Variants in CDH13 observed in about 807,000 individuals in gnomAD.
The protein encoded by CDH13 is cadherin-13.
Under a neutral mutation model 63.8 loss-of-function variants are expected in CDH13, and 24 were observed. That is an observed-to-expected ratio of 0.38 (90% confidence interval 0.27 to 0.53). CDH13 has a LOEUF of 0.53. Among genes scored for constraint, CDH13 ranks in the 20% least tolerant of loss-of-function variants. CDH13 has a pLI of 0.85. For synonymous variants in CDH13, 503 were observed against 355.3 expected (o/e 1.42, Z -4.67); for missense variants, 1,049 against 903.1 (o/e 1.16, Z -2.07).
intron 4 of CDH13, among the ~76,000 whole-genome samples, chr16:83,134,544 GGAGAGAGAGAGAGAGAGAGAGA>G (rs67135267): frequency 1.8e-4 from 15 of 84,364 alleles, no homozygotes; most frequent in East Asian, 8.3e-4. Flanking sequence ...TGGGGTGGGG[GGAGAGAGAGAGAGAGAGAGAGA>G]GAGAGAGAGA....
chr16:83,225,069 G>A (rs1000836922), intron 5 of CDH13, among the ~76,000 whole-genome samples: 1 of 152,114 alleles, frequency 6.6e-6, no homozygotes, highest in Non-Finnish European at 1.5e-5. Context: ...TAAATTGTTA[G>A]GTGCTTTCCC....
intron 7 of CDH13, among the ~76,000 whole-genome samples, chr16:83,573,043 C>G (rs1036869889): frequency 2.0e-5 from 3 of 152,112 alleles, no homozygotes; most frequent in Non-Finnish European, 4.4e-5. Flanking sequence ...TTTTCATCCA[C>G]AGAATATAGT....
intron 6 of CDH13, among the ~76,000 whole-genome samples, chr16:83,379,179 C>G (rs1346894636): frequency 6.6e-6 from 1 of 152,172 alleles, no homozygotes; most frequent in Non-Finnish European, 1.5e-5. Flanking sequence ...TTCAAAATCT[C>G]ATAAGCATGC....
intron 13 of CDH13, among the ~76,000 whole-genome samples, chr16:83,794,449 A>T (rs888871393): frequency 6.6e-6 from 1 of 152,142 alleles, no homozygotes; most frequent in South Asian, 2.1e-4. Context: ...GCTCCTCCGG[A>T]GACTAAGGTG....
intron 1 of CDH13, among the ~76,000 whole-genome samples, chr16:82,756,874 A>C (rs897520435): frequency 6.6e-6 from 1 of 152,064 alleles, no homozygotes; most frequent in African/African-American, 2.4e-5. Context: ...AGCACTTTCC[A>C]CTAGTTTATA....
intron 7 of CDH13, among the ~76,000 whole-genome samples, chr16:83,518,123 A>G (rs2074741701): frequency 6.9e-6 from 1 of 143,984 alleles, no homozygotes; most frequent in Non-Finnish European, 1.5e-5. Context: ...ATAATGAGTG[A>G]GATATCATGA....
intron 13 of CDH13, 123 bp from the exon 14 acceptor site, chr16:83,794,900 A>T (rs1904274805): frequency 2.3e-6 from 2 of 870,208 alleles, no homozygotes; most frequent in Admixed American, 4.0e-5. Context: ...AAATTCCCCC[A>T]TAGTCGTGTG....
chr16:83,515,813 A>G (rs34074849), intron 7 of CDH13, among the ~76,000 whole-genome samples: 11,725 of 152,260 alleles, frequency 0.077, 530 homozygotes, highest in Middle Eastern at 0.2. Context: ...AAAATTAATA[A>G]GTTGTTTTTT....
At chr16:83,453,840 G>C (rs2072949984) in intron 6 of CDH13, among the ~76,000 whole-genome samples, 1 of 152,160 alleles carries the variant, frequency 6.6e-6, no homozygotes, top group Non-Finnish European at 1.5e-5. Context: ...GCTCTGTTCA[G>C]GGGACCATAT....
At chr16:83,102,577 G>A (rs145744407) in intron 3 of CDH13, among the ~76,000 whole-genome samples, 9 of 152,134 alleles carry the variant, frequency 5.9e-5, no homozygotes, top group Non-Finnish European at 1.0e-4. Context: ...CTAGGAGATC[G>A]CACTGGAAGC....
At chr16:82,666,663 C>A (rs1041281805) in intron 1 of CDH13, among the ~76,000 whole-genome samples, 6 of 152,204 alleles carry the variant, frequency 3.9e-5, no homozygotes, top group African/African-American at 1.4e-4. Flanking sequence ...ACCATGGTAA[C>A]TGAGGCACGA....
chr16:82,962,118 G>A (rs1049534359), intron 2 of CDH13, among the ~76,000 whole-genome samples: 2 of 152,344 alleles, frequency 1.3e-5, no homozygotes, highest in South Asian at 4.1e-4. Flanking sequence ...AGTCTTTGCA[G>A]AGGTAATTAA....
At chr16:82,993,369 G>C (rs1597373576) in intron 2 of CDH13, among the ~76,000 whole-genome samples, 1 of 152,006 alleles carries the variant, frequency 6.6e-6, no homozygotes, top group African/African-American at 2.4e-5. Flanking sequence ...ACTGATTTAA[G>C]TTGTTGCAGG....
At chr16:83,707,668 T>C (rs957890009) in intron 10 of CDH13, among the ~76,000 whole-genome samples, 18 of 151,936 alleles carry the variant, frequency 1.2e-4, no homozygotes, top group Non-Finnish European at 2.4e-4. Flanking sequence ...TCCCCGTGTA[T>C]CATATCCCTG....
intron 6 of CDH13, among the ~76,000 whole-genome samples, chr16:83,396,236 T>C (rs980520722): frequency 6.6e-6 from 1 of 152,196 alleles, no homozygotes; most frequent in Non-Finnish European, 1.5e-5. Context: ...GCTATTGTGT[T>C]TCACCTTGTT....
intron 3 of CDH13, among the ~76,000 whole-genome samples, chr16:83,073,982 A>C (rs72796242): frequency 6.6e-6 from 1 of 152,118 alleles, no homozygotes; most frequent in Admixed American, 6.6e-5. Context: ...TATCATTTCT[A>C]TGTGTTGAGA....
rs567057131 is a variant in CDH13 at position 82,677,236 on chromosome 16, T to C, written c.45+50099T>C. On this transcript the variant is annotated intron_variant, in intron 1 of 13. Transcript: ENST00000567109. The stretch of plus-strand genomic sequence containing the variant: ...TACGGAGAAAGGTAATGCAGACTCA[T>C]TCATCCTTTGTATTTCAGGTCTATT... Among the ~76,000 whole-genome samples the C allele has an allele frequency of 2.6e-5, 4 of 152,344 alleles. No homozygotes were observed. In the East Asian group the frequency reaches 7.7e-4, roughly 29 times the overall value.
At chr16:82,847,697 T>G (rs1429156934) in intron 1 of CDH13, among the ~76,000 whole-genome samples, 1 of 152,208 alleles carries the variant, frequency 6.6e-6, no homozygotes, top group Non-Finnish European at 1.5e-5. Flanking sequence ...TTTAGGGGAC[T>G]ACTGTCTATT....
chr16:83,186,080 T>TTTTATTTTATTTTATTTTA (rs2038509868), intron 4 of CDH13, among the ~76,000 whole-genome samples: 2 of 109,932 alleles, frequency 1.8e-5, no homozygotes, highest in East Asian at 5.8e-4. Flanking sequence ...TAAAGGCATC[T>TTTTATTTTATTTTATTTTA]TTTTATTTTA....
Sources: allele counts gnomAD v4.1 joint callset (sites outside exome capture counted in the v4.1 genomes callset), GRCh38; gene constraint gnomAD v4.1.1; transcripts MANE v1.5; gene names NCBI Gene and HGNC (gene_info 2026-07-23, HGNC 2026-07-21).